ASMTL: variants seen among roughly 807,000 people sequenced by gnomAD.
ASMTL encodes the protein acetylserotonin O-methyltransferase like.
In ASMTL, 57 loss-of-function variants were observed where a neutral mutation model predicts 60.3. The observed-to-expected ratio is 0.95, with a 90% CI of 0.76 to 1.18. The LOEUF (loss-of-function observed/expected upper bound fraction) is 1.18. Among genes scored for constraint, ASMTL ranks in the 50% most tolerant of loss-of-function variants. The probability of loss-of-function intolerance (pLI) is 0.00; values close to 1 mark genes in which losing one functional copy is unlikely to be tolerated. For synonymous variants in ASMTL, 419 were observed against 373.0 expected (o/e 1.12, Z -1.42); for missense variants, 981 against 852.6 (o/e 1.15, Z -1.88).
chrX:1,438,943 G>A (rs146131730), intron 3 of ASMTL, 154 bp downstream of exon 3: 5,740 of 323,562 alleles, frequency 0.018, 96 homozygotes, highest in African/African-American at 0.061. Flanking sequence ...CGTGCCCTTA[G>A]GCCCCTCATC....
At chrX:1,445,675 A>G (rs5989803) in intron 1 of ASMTL, among the ~76,000 whole-genome samples, 19,030 of 152,176 alleles carry the variant, frequency 0.13, 3,114 homozygotes, top group African/African-American at 0.39. Flanking sequence ...GGTATATGAT[A>G]AAATATAAAA....
upstream of ASMTL, chrX:1,453,016 C>T: frequency 1.8e-6 from 1 of 558,036 alleles, no homozygotes; most frequent in Non-Finnish European, 3.1e-6. Flanking sequence ...CGCGAGACCG[C>T]GCCCAGGCCA....
At chrX:1,404,875 AGATG>A (rs1338268900) in intron 12 of ASMTL, among the ~76,000 whole-genome samples, 1 of 151,268 alleles carries the variant, frequency 6.6e-6, no homozygotes, top group African/African-American at 2.4e-5. Context: ...TGCATGGATG[AGATG>A]GATGGTTGGG....
At chrX:1,427,627 C>T (rs1363943871) in intron 7 of ASMTL, 107 bp downstream of exon 7, 8 of 1,255,622 alleles carry the variant, frequency 6.4e-6, no homozygotes, top group Non-Finnish European at 7.7e-6. Context: ...GACAACCTGA[C>T]CTCAGACTGC....
chrX:1,422,566 C>T (rs1419585324), intron 8 of ASMTL, among the ~76,000 whole-genome samples: 1 of 152,106 alleles, frequency 6.6e-6, no homozygotes, highest in Non-Finnish European at 1.5e-5. Flanking sequence ...CCCCAAGCTC[C>T]CTTCCAGGAT....
upstream of ASMTL, among the ~76,000 whole-genome samples, chrX:1,453,425 C>T (rs1462675833): frequency 2.2e-4 from 33 of 152,070 alleles, no homozygotes. Context: ...GTCCCCGCCC[C>T]CGGCGCTCGC....
chrX:1,420,047 G>C (rs5948846), intron 9 of ASMTL, among the ~76,000 whole-genome samples: 110,937 of 146,744 alleles, frequency 0.76, 42,774 homozygotes, highest in South Asian at 0.91. Context: ...CTGTCTCTAT[G>C]TCTGTCTCCT....
chrX:1,452,734 G>A lies in ASMTL; in HGVS notation c.93+14C>T. On this transcript the variant is annotated intron_variant, in intron 1 of 12. Coordinates refer to ENST00000381317, the MANE Select transcript of ASMTL (RefSeq NM_004192.4). ...CGTCCCCGGTCCCCTGCCCCGCCCAGGCCCAGGCCGTACCGCGTTGCTGAG... is the reference window on the plus strand; with the variant it reads ...CGTCCCCGGTCCCCTGCCCCGCCCAAGCCCAGGCCGTACCGCGTTGCTGAG... The A allele has an allele frequency of 6.3e-7, 1 of 1,580,026 alleles. No individual in the cohort carries two copies. The highest frequency in any genetic ancestry group is 1.3e-5 in the African/African-American group (1 of 74,406).
Position 1,427,786 on chromosome X carries a change from G to A in ASMTL, c.845C>T (p.Pro282Leu). 1.9e-6 allele frequency: 3 copies of A among 1,613,088 alleles called. No individual in the cohort carries two copies. The highest frequency in any genetic ancestry group is 2.5e-6 in the Non-Finnish European group (3 of 1,179,738). ...AECHRTRETL[P>L]PFPTRLLELI... ...CTCCAGGAGGCGTGTCGGGAACGGA[G>A]GCAGGGTCTCCCGAGTCCTGTGACA... The change falls in exon 7 of 13, where the codon CCT becomes CTT. Residue 282 changes from proline (P) to leucine (L), a missense_variant. Pro to Leu is a moderately conservative substitution (Grantham distance 98, BLOSUM62 -3). Coordinates refer to ENST00000381317, the MANE Select transcript of ASMTL (RefSeq NM_004192.4).
intron 12 of ASMTL, among the ~76,000 whole-genome samples, chrX:1,412,464 G>A (rs1399201197): frequency 6.6e-6 from 1 of 152,154 alleles, no homozygotes. Context: ...CTCACCCCGG[G>A]TGATCCACCT....
At chrX:1,451,728 TC>T in intron 1 of ASMTL, among the ~76,000 whole-genome samples, 1 of 142,406 alleles carries the variant, frequency 7.0e-6, no homozygotes, top group Non-Finnish European at 1.5e-5. Flanking sequence ...CGGGTTACTC[TC>T]CCCACCCCCA....
chrX:1,425,814 A>C (rs2090599354), intron 7 of ASMTL, 127 bp from the exon 8 acceptor site: 3 of 904,286 alleles, frequency 3.3e-6, no homozygotes, highest in Non-Finnish European at 5.0e-6. Context: ...CTTCTTTCAC[A>C]GAGAACGGTG....
intron 4 of ASMTL, 33 bp from the exon 5 acceptor site, chrX:1,435,116 T>G: frequency 3.7e-6 from 6 of 1,610,892 alleles, no homozygotes; most frequent in Non-Finnish European, 5.1e-6. Flanking sequence ...CACGTGACCA[T>G]GCTGTGACCC....
chrX:1,432,244 T>TCCCCCC, intron 6 of ASMTL, 25 bp downstream of exon 6: 2 of 1,559,296 alleles, frequency 1.3e-6, no homozygotes, highest in Admixed American at 1.7e-5. Flanking sequence ...GTGTCCCCCG[T>TCCCCCC]CCCCCCACCG....
chrX:1,417,855 T>C, intron 11 of ASMTL, 118 bp downstream of exon 11: 3 of 1,331,732 alleles, frequency 2.3e-6, no homozygotes, highest in Admixed American at 2.5e-5. Flanking sequence ...TGCACACACA[T>C]ACCCACCATG....
At chrX:1,439,938 A>G (rs1287426873) in intron 2 of ASMTL, among the ~76,000 whole-genome samples, 1 of 151,986 alleles carries the variant, frequency 6.6e-6, no homozygotes, top group African/African-American at 2.4e-5. Context: ...TCAGAGCAAC[A>G]GGCAGTCACA....
At chrX:1,445,935 G>T (rs1215592876) in intron 1 of ASMTL, among the ~76,000 whole-genome samples, 1 of 151,948 alleles carries the variant, frequency 6.6e-6, no homozygotes, top group Non-Finnish European at 1.5e-5. Flanking sequence ...TCCCTGGGGG[G>T]GTTTAGAGAA....
Position 1,435,060 on chromosome X carries a change from A to C in ASMTL, c.362T>G (p.Val121Gly). The change falls in exon 5 of 13, where the codon GTG becomes GGG. Residue 121 changes from valine to glycine, a missense_variant. Coordinates refer to ENST00000381317, the MANE Select transcript of ASMTL (RefSeq NM_004192.4). ...GTGGACGATCGCGACACCTGTGAAC[A>C]CGCTGTGTTCTCTCCCACTCAACCT... ...LSRLSGREHS[V>G]FTGVAIVHCS... 6.2e-7 allele frequency: 1 copy of C among 1,613,910 alleles called. No homozygotes were observed. Among genetic ancestry groups the C allele is most frequent in the Non-Finnish European group, 8.5e-7 (1 of 1,179,824 alleles).
intron 12 of ASMTL, among the ~76,000 whole-genome samples, chrX:1,404,884 G>A (rs1389892000): frequency 6.6e-6 from 1 of 151,828 alleles, no homozygotes; most frequent in Non-Finnish European, 1.5e-5. Context: ...GAGATGGATG[G>A]TTGGGTGAAT....
Sources: gnomAD v4.1 joint callset for allele counts (sites outside exome capture counted in the v4.1 genomes callset) on GRCh38, gnomAD v4.1.1 for gene constraint, MANE v1.5 for transcripts, NCBI Gene and HGNC (gene_info 2026-07-23, HGNC 2026-07-21) for gene names.